TUBGCP4: variants seen among roughly 807,000 people sequenced by gnomAD.
TUBGCP4 encodes gamma-tubulin complex component 4.
Under a neutral mutation model 91.6 loss-of-function variants are expected in TUBGCP4, and 54 were observed. The ratio of observed to expected loss-of-function variants is 0.59; its 90% confidence interval spans 0.47 to 0.74. The LOEUF is 0.74. Among genes scored for constraint, TUBGCP4 ranks in the 30% least tolerant of loss-of-function variants. The probability of loss-of-function intolerance (pLI) is 0.00; values close to 1 mark genes in which losing one functional copy is unlikely to be tolerated. For synonymous variants in TUBGCP4, 297 were observed against 302.8 expected (o/e 0.98, Z 0.20); for missense variants, 593 against 800.9 (o/e 0.74, Z 3.13).
At chr15:43,384,860 T>C (rs937552837) in intron 7 of TUBGCP4, among the ~76,000 whole-genome samples, 1 of 152,164 alleles carries the variant, frequency 6.6e-6, no homozygotes. Context: ...TAAGAGAGTG[T>C]TGGGGAGACT....
intron 16 of TUBGCP4, chr15:43,404,108 G>T: frequency 2.0e-6 from 1 of 504,064 alleles, no homozygotes; most frequent in South Asian, 3.0e-5. Context: ...CCATCTCACT[G>T]AGATAATTAT....
chr15:43,405,036 G>A, intron 17 of TUBGCP4, 166 bp from the exon 18 acceptor site: 2 of 712,346 alleles, frequency 2.8e-6, no homozygotes, highest in Non-Finnish European at 4.6e-6. Flanking sequence ...TCTCTAAAAT[G>A]TCTGCAAGCA....
chr15:43,407,926 C>A lies in TUBGCP4; in HGVS notation c.*2712C>A. 1 of 1,606,792 alleles carries A rather than the reference C, an allele frequency of 6.2e-7. No homozygotes were observed. The highest frequency in any genetic ancestry group is 8.5e-7 in the Non-Finnish European group (1 of 1,178,662). On this transcript the variant is annotated 3_prime_UTR_variant, in exon 18 of 18. Transcript: ENST00000564079. Reference sequence around the variant, plus strand: ...AGATCCCTGGAACAAAGACACTACACACACTCTTTCAGGTACCTTTGTTAT... The same window carrying A: ...AGATCCCTGGAACAAAGACACTACAAACACTCTTTCAGGTACCTTTGTTAT...
chr15:43,400,078 CG>C lies in TUBGCP4; in HGVS notation c.1454del (p.Arg485ProfsTer32). On this transcript the variant is annotated frameshift_variant, in exon 14 of 18. Transcript: ENST00000564079. LOFTEE classifies it high-confidence loss of function. ...NVVFKYLLSV[R>X]RVQAELQHCW... ...TGTTTTTAAGTACTTACTGAGTGTG[CG>C]CCGGGTGCAAGCTGAGCTGCAGCAC... 6.2e-7 allele frequency: 1 copy of C among 1,613,716 alleles called. No individual in the cohort carries two copies. Among genetic ancestry groups the C allele is most frequent in the South Asian group, 1.1e-5 (1 of 91,070 alleles).
intron 11 of TUBGCP4, 27 bp from the exon 12 acceptor site, chr15:43,397,187 T>C: frequency 6.3e-7 from 1 of 1,580,624 alleles, no homozygotes; most frequent in Non-Finnish European, 8.7e-7. Flanking sequence ...CAAGCGTCCC[T>C]GTCAGCCTGC....
At chr15:43,383,086 A>C (rs1350049421) in intron 6 of TUBGCP4, among the ~76,000 whole-genome samples, 4 of 152,236 alleles carry the variant, frequency 2.6e-5, no homozygotes, top group Admixed American at 2.0e-4. Context: ...CCCTAAAATA[A>C]TATCAGCACA....
Position 43,371,287 on chromosome 15 carries a change from T to C in TUBGCP4, c.-68T>C. 6.6e-7 allele frequency: 1 copy of C among 1,524,266 alleles called. No individual in the cohort carries two copies. Among genetic ancestry groups the C allele is most frequent in the Non-Finnish European group, 9.0e-7 (1 of 1,112,940 alleles). The allele number at this position is 1,524,266 out of a possible 1,614,324, so 94.4% of individuals were successfully genotyped here. A position where few individuals can be genotyped will look rare whatever the true frequency, so the allele number is the denominator to read the frequency against. ...GCGTGTGGAAGGGGAAGCACTCCCCTCGTGGTCGCCTGGAGGTGCGCTGGA... is the reference window on the plus strand; with the variant it reads ...GCGTGTGGAAGGGGAAGCACTCCCCCCGTGGTCGCCTGGAGGTGCGCTGGA... On this transcript the variant is annotated 5_prime_UTR_variant, in exon 1 of 18. Transcript: ENST00000564079.
chr15:43,385,396 A>G (rs1429200131), intron 7 of TUBGCP4: 5 of 458,648 alleles, frequency 1.1e-5, no homozygotes, highest in South Asian at 3.1e-5. Context: ...TTGTATAGGA[A>G]GTGTAGGCTG....
chr15:43,380,620 A>G (rs2044272217), intron 6 of TUBGCP4, among the ~76,000 whole-genome samples: 1 of 152,250 alleles, frequency 6.6e-6, no homozygotes, highest in African/African-American at 2.4e-5. Context: ...ATATGCACAA[A>G]CGTGTTCATT....
chr15:43,405,106 A>G, intron 17 of TUBGCP4, 96 bp from the exon 18 acceptor site: 1 of 1,405,226 alleles, frequency 7.1e-7, no homozygotes, highest in Non-Finnish European at 1.0e-6. Flanking sequence ...TTTTAAGATG[A>G]CATTATTTAG....
In TUBGCP4 at chr15:43,395,103, A is replaced by G. The variant is rs761263164; in HGVS notation, c.1015-4A>G. On this transcript the variant is annotated splice_polypyrimidine_tract_variant and splice_region_variant and intron_variant, in intron 9 of 17. Coordinates refer to ENST00000564079, the MANE Select transcript of TUBGCP4 (RefSeq NM_014444.5). ...TGTCCCTGTTTTGTTGGTTGTTTTC[A>G]TAGCATCTCTGGAAGTTGATGGTAG... 3 of 1,614,034 alleles carry G rather than the reference A, an allele frequency of 1.9e-6. No individual in the cohort carries two copies. In the East Asian group the frequency reaches 6.7e-5, roughly 36 times the overall value.
chr15:43,395,718 A>G (rs1326574269), intron 11 of TUBGCP4, 30 bp downstream of exon 11: 1 of 1,558,182 alleles, frequency 6.4e-7, no homozygotes. Flanking sequence ...AGAATGATCA[A>G]CTGATTGACA....
Position 43,398,296 on chromosome 15 carries a change from C to T in TUBGCP4, c.1418+117C>T, listed in dbSNP as rs549544680. Reference sequence around the variant, plus strand: ...GTGTGGTGGCACACACCTGTAATCCCAGCTAGTCCAGAGCCTGAGCAGGAG... The same window carrying T: ...GTGTGGTGGCACACACCTGTAATCCTAGCTAGTCCAGAGCCTGAGCAGGAG... On this transcript the variant is annotated intron_variant, in intron 13 of 17. Transcript: ENST00000564079. 18 of 1,189,582 alleles carry T rather than the reference C, an allele frequency of 1.5e-5. No homozygotes were observed. In the African/African-American group the frequency reaches 1.8e-4, roughly 12 times the overall value. The allele number at this position is 1,189,582 out of a possible 1,614,324, so 73.7% of individuals were successfully genotyped here.
At chr15:43,405,116 G>T (rs1273765155) in intron 17 of TUBGCP4, 86 bp from the exon 18 acceptor site, 4 of 1,474,070 alleles carry the variant, frequency 2.7e-6, no homozygotes, top group Non-Finnish European at 3.8e-6. Context: ...ACATTATTTA[G>T]ATCACAGGTT....
intron 6 of TUBGCP4, among the ~76,000 whole-genome samples, chr15:43,381,435 C>T (rs752994064): frequency 1.9e-4 from 29 of 152,014 alleles, no homozygotes; most frequent in African/African-American, 6.8e-4. Context: ...TTGAAAGAAA[C>T]GTATAATAAA....
At chr15:43,395,529 G>A (rs2044566251) in intron 10 of TUBGCP4, 54 bp from the exon 11 acceptor site, 17 of 1,299,514 alleles carry the variant, frequency 1.3e-5, no homozygotes, top group Admixed American at 1.7e-5. Flanking sequence ...CCTCAGGACA[G>A]TGAGGAGCTC....
At chr15:43,405,002 A>C (rs2044819079) in intron 17 of TUBGCP4, 200 bp from the exon 18 acceptor site, 1 of 595,272 alleles carries the variant, frequency 1.7e-6, no homozygotes, top group African/African-American at 1.9e-5. Flanking sequence ...ATTCCCATTC[A>C]GAAAATCACT....
intron 6 of TUBGCP4, 82 bp downstream of exon 6, chr15:43,380,245 C>A: frequency 1.6e-6 from 2 of 1,269,916 alleles, no homozygotes; most frequent in South Asian, 1.2e-5. Flanking sequence ...ATTTTCAGGT[C>A]ATTTCAGGTT....
In TUBGCP4 at chr15:43,395,631, T is replaced by C. The variant is rs1195787776; in HGVS notation, c.1114T>C (p.Phe372Leu). The C allele has an allele frequency of 1.2e-6, 2 of 1,614,004 alleles. No individual in the cohort carries two copies. The highest frequency in any genetic ancestry group is 2.7e-5 in the African/African-American group (2 of 74,928). The change falls in exon 11 of 18, where the codon TTC (phenylalanine) becomes CTC (leucine). Residue 372 changes from phenylalanine (F) to leucine (L), a missense_variant. Coordinates refer to ENST00000564079, the MANE Select transcript of TUBGCP4 (RefSeq NM_014444.5). Reference protein sequence around the residue: ...LLGRGELFQAFIDTAQHMLKT... With the variant: ...LLGRGELFQALIDTAQHMLKT... ...GGGACGTGGAGAACTGTTTCAGGCC[T>C]TCATTGACACAGCTCAACACATGTT...
Sources: allele counts gnomAD v4.1 joint callset (sites outside exome capture counted in the v4.1 genomes callset), GRCh38; gene constraint gnomAD v4.1.1; transcripts MANE v1.5; gene names NCBI Gene and HGNC (gene_info 2026-07-23, HGNC 2026-07-21).